Variants in EIF2B3 observed in about 807,000 individuals in gnomAD.
EIF2B3 encodes the protein eukaryotic translation initiation factor 2B subunit gamma, also known as translation initiation factor eIF2B subunit gamma.
EIF2B3 carries 20 observed loss-of-function variants against 54.1 expected under a neutral mutation model. That is an observed-to-expected ratio of 0.37 (90% CI 0.26 to 0.54). The LOEUF is 0.54. Ranked by LOEUF, EIF2B3 falls within the 20% of genes least tolerant of loss-of-function variation. The probability of loss-of-function intolerance (pLI) is 0.86; values close to 1 mark genes in which losing one functional copy is unlikely to be tolerated. For synonymous variants in EIF2B3, 153 were observed against 188.1 expected (o/e 0.81, Z 1.52); for missense variants, 448 against 547.8 (o/e 0.82, Z 1.82).
intron 3 of EIF2B3, among the ~76,000 whole-genome samples, chr1:44,965,545 AAAAGTACTAATTAGTACT>A (rs1240182798): frequency 1.3e-5 from 2 of 152,110 alleles, no homozygotes; most frequent in Non-Finnish European, 2.9e-5. Context: ...CTAATGTACT[AAAAGTACTAATTAGTACT>A]AAAGTACTAA....
chr1:44,958,715 T>C lies in EIF2B3; in HGVS notation c.295-17050A>G, dbSNP rs1644253710. 6.3e-6 allele frequency: 10 copies of C among 1,590,426 alleles called. No homozygotes were observed. The Admixed American group carries it at 1.3e-4, about 21-fold the overall frequency. ...CAGCTATCTGTGCTGCCTGAAACAG[T>C]ACCCTTTCTGGAAAGCTAGATATTG... On this transcript the variant is annotated intron_variant, in intron 3 of 11. Coordinates refer to ENST00000360403, the MANE Select transcript of EIF2B3 (RefSeq NM_020365.5).
chr1:44,851,044 C>G (rs372972999), intron 11 of EIF2B3, 41 bp from the exon 12 acceptor site: 15 of 1,596,616 alleles, frequency 9.4e-6, no homozygotes, highest in Non-Finnish European at 1.1e-5. Context: ...GAACTGGCAG[C>G]AAGATGACAT....
chr1:44,944,665 AT>A (rs1644078074), intron 3 of EIF2B3, among the ~76,000 whole-genome samples: 1 of 152,046 alleles, frequency 6.6e-6, no homozygotes, highest in South Asian at 2.1e-4. Context: ...AGCAAATAAA[AT>A]TTTTTAAAAG....
intron 3 of EIF2B3, among the ~76,000 whole-genome samples, chr1:44,965,634 C>CT (rs386366856): frequency 0.027 from 2,758 of 102,342 alleles, 130 homozygotes; most frequent in African/African-American, 0.055. Context: ...ACAAATGCAT[C>CT]TTTTTTTTTT....
At position 44,972,963 on chromosome 1, in the gene EIF2B3, C is replaced by A. The variant is rs1569874348; in HGVS notation, c.294+5352G>T. ...GGCTGAGATAGGAGCATCGCTTGACCCTGGGAGGTCAATGCTGCAGTGAGC... is the reference window on the plus strand; with the variant it reads ...GGCTGAGATAGGAGCATCGCTTGACACTGGGAGGTCAATGCTGCAGTGAGC... On this transcript the variant is annotated intron_variant, in intron 3 of 11. Coordinates refer to ENST00000360403, the MANE Select transcript of EIF2B3 (RefSeq NM_020365.5). 4.6e-5 allele frequency among the ~76,000 whole-genome samples: 7 copies of A among 152,144 alleles called. No homozygotes were observed. In the South Asian group the frequency reaches 1.4e-3, roughly 31 times the overall value.
intron 5 of EIF2B3, among the ~76,000 whole-genome samples, chr1:44,902,852 A>G (rs926887569): frequency 1.2e-4 from 17 of 147,014 alleles, no homozygotes; most frequent in African/African-American, 4.0e-4. Flanking sequence ...AAAAAAAAAA[A>G]AAAAGAAAGC....
At chr1:44,913,638 G>A (rs1223115272) in intron 5 of EIF2B3, among the ~76,000 whole-genome samples, 1 of 152,112 alleles carries the variant, frequency 6.6e-6, no homozygotes, top group Admixed American at 6.6e-5. Context: ...CCAAGTAGCT[G>A]GGACTACAGG....
intron 10 of EIF2B3, among the ~76,000 whole-genome samples, chr1:44,871,492 G>C (rs1230521978): frequency 6.6e-6 from 1 of 152,146 alleles, no homozygotes; most frequent in Non-Finnish European, 1.5e-5. Flanking sequence ...CTTGGCCCTT[G>C]TCCATCTGCA....
At chr1:44,961,339 C>T (rs1158316445) in intron 3 of EIF2B3, among the ~76,000 whole-genome samples, 2 of 134,148 alleles carry the variant, frequency 1.5e-5, no homozygotes, top group African/African-American at 5.4e-5. Context: ...AAAAAAAAGT[C>T]TCCATTAACT....
chr1:44,853,958 A>T (rs780416298), intron 11 of EIF2B3, among the ~76,000 whole-genome samples: 2 of 151,908 alleles, frequency 1.3e-5, no homozygotes, highest in Non-Finnish European at 2.9e-5. Flanking sequence ...TGACTGTAAG[A>T]AGAGACTCAG....
intron 4 of EIF2B3, among the ~76,000 whole-genome samples, chr1:44,930,307 G>T (rs11211057): frequency 7.2e-5 from 11 of 152,150 alleles, no homozygotes; most frequent in African/African-American, 2.7e-4. Flanking sequence ...GAAAGGAACA[G>T]GCAAATTTAC....
At chr1:44,956,667 C>T (rs1644229494) in intron 3 of EIF2B3, among the ~76,000 whole-genome samples, 1 of 151,852 alleles carries the variant, frequency 6.6e-6, no homozygotes, top group South Asian at 2.1e-4. Flanking sequence ...ATTGACTCAG[C>T]TTGGGAATTT....
At chr1:44,922,554 T>C (rs1165040044) in intron 5 of EIF2B3, among the ~76,000 whole-genome samples, 3 of 140,770 alleles carry the variant, frequency 2.1e-5, no homozygotes, top group Non-Finnish European at 4.5e-5. Flanking sequence ...ACCACTGCAC[T>C]CTAGCCTGGG....
At chr1:44,936,993 G>C (rs1444055654) in intron 4 of EIF2B3, among the ~76,000 whole-genome samples, 1 of 152,122 alleles carries the variant, frequency 6.6e-6, no homozygotes, top group Non-Finnish European at 1.5e-5. Flanking sequence ...CAGCTTTTGA[G>C]CACTGAAACC....
intron 4 of EIF2B3, among the ~76,000 whole-genome samples, chr1:44,927,752 G>A (rs1643867352): frequency 6.6e-6 from 1 of 152,074 alleles, no homozygotes; most frequent in African/African-American, 2.4e-5. Flanking sequence ...AATACTTATT[G>A]ACGTATTTAA....
intron 3 of EIF2B3, among the ~76,000 whole-genome samples, chr1:44,960,935 C>CT (rs1644278514): frequency 6.6e-6 from 1 of 152,032 alleles, no homozygotes; most frequent in South Asian, 2.1e-4. Context: ...CAGGAATATA[C>CT]TTCTGCAGAA....
At chr1:44,854,948 C>T (rs556168757) in intron 11 of EIF2B3, among the ~76,000 whole-genome samples, 2 of 152,052 alleles carry the variant, frequency 1.3e-5, no homozygotes, top group Non-Finnish European at 2.9e-5. Flanking sequence ...GTGAGGAAGA[C>T]TGACGGAAGA....
chr1:44,862,644 G>A (rs533734416), intron 10 of EIF2B3, among the ~76,000 whole-genome samples: 28 of 152,204 alleles, frequency 1.8e-4, no homozygotes, highest in African/African-American at 6.7e-4. Context: ...ATTATTTTTT[G>A]AGATGGAGTC....
chr1:44,875,383 G>A (rs35590598), intron 9 of EIF2B3, among the ~76,000 whole-genome samples: 1 of 152,280 alleles, frequency 6.6e-6, no homozygotes, highest in East Asian at 1.9e-4. Context: ...GAGTCTTTCA[G>A]GCTGAGATTG....
Sources: gnomAD v4.1 joint callset for allele counts (sites outside exome capture counted in the v4.1 genomes callset) on GRCh38, gnomAD v4.1.1 for gene constraint, MANE v1.5 for transcripts, NCBI Gene and HGNC (gene_info 2026-07-23, HGNC 2026-07-21) for gene names.